Variants in ZNF570 observed in about 807,000 individuals in gnomAD.
The protein encoded by ZNF570 is zinc finger protein 570.
ZNF570 carries 8 observed loss-of-function variants against 14.2 expected under a neutral mutation model. The ratio of observed to expected loss-of-function variants is 0.56; its 90% CI spans 0.33 to 1.02. The LOEUF (loss-of-function observed/expected upper bound fraction) is 1.02. Ranked by LOEUF, ZNF570 falls within the 50% of genes least tolerant of loss-of-function variation. The pLI is 0.03. For missense variants in ZNF570, 559 were observed against 624.9 expected, an observed-to-expected ratio of 0.89 and a Z score of 1.12; for synonymous variants, 202 against 207.6, an observed-to-expected ratio of 0.97 and a Z score of 0.23.
chr19:37,479,217 G>A (rs917951860), intron 4 of ZNF570, among the ~76,000 whole-genome samples: 1 of 151,928 alleles, frequency 6.6e-6, no homozygotes, highest in African/African-American at 2.4e-5. Flanking sequence ...TAGTTTTGAT[G>A]TAAGTTTTCA....
At chr19:37,473,419 G>A (rs1326383731) in intron 2 of ZNF570, among the ~76,000 whole-genome samples, 7 of 152,124 alleles carry the variant, frequency 4.6e-5, no homozygotes, top group Non-Finnish European at 7.4e-5. Context: ...ATAACAGGTG[G>A]TTGTGCTGGG....
In ZNF570 at chr19:37,487,743, C is replaced by T. The variant is rs965054496; in HGVS notation, c.*2510C>T. On this transcript the variant is annotated 3_prime_UTR_variant, in exon 5 of 5. Coordinates refer to ENST00000330173, the MANE Select transcript of ZNF570 (RefSeq NM_144694.5). ...TTGTTTTTGTTTTGCCCTTTAGCTT[C>T]ACAGGTTTGTTCTGAAATTTATGAG... The T allele has an allele frequency of 6.6e-6, 1 of 152,002 alleles. No homozygotes were observed. The highest frequency in any genetic ancestry group is 1.9e-4 in the East Asian group (1 of 5,192). The allele number at this position is 152,002 out of a possible 1,614,324, so 9.4% of individuals were successfully genotyped here. A position where few individuals can be genotyped will look rare whatever the true frequency, so the allele number is the denominator to read the frequency against.
upstream of ZNF570, chr19:37,469,197 G>A (rs1185159340): frequency 1.8e-5 from 23 of 1,269,878 alleles, no homozygotes; most frequent in Non-Finnish European, 2.3e-5. Context: ...ACCTGGTGGG[G>A]AGGAGGCCGT....
At chr19:37,479,306 A>G (rs1434055326) in intron 4 of ZNF570, among the ~76,000 whole-genome samples, 1 of 152,086 alleles carries the variant, frequency 6.6e-6, no homozygotes. Flanking sequence ...GAAGTTTGAA[A>G]TTGAAGGCTT....
At chr19:37,468,604 C>T (rs904694517), upstream of ZNF570, among the ~76,000 whole-genome samples, 4 of 152,190 alleles carry the variant, frequency 2.6e-5, no homozygotes, top group Non-Finnish European at 5.9e-5. Flanking sequence ...CTCCCAGGTT[C>T]AGGCAATTTT....
intron 2 of ZNF570, 123 bp from the exon 3 acceptor site, chr19:37,475,758 C>T (rs969010708): frequency 7.3e-5 from 71 of 967,382 alleles, no homozygotes; most frequent in Non-Finnish European, 1.0e-4. Flanking sequence ...GCCCTGAGTA[C>T]AAATATGATA....
At chr19:37,470,529 A>G in intron 2 of ZNF570, 142 bp downstream of exon 2, 1 of 738,512 alleles carries the variant, frequency 1.4e-6, no homozygotes, top group Non-Finnish European at 2.3e-6. Context: ...CATCTTATTC[A>G]AGATAAACGC....
At position 37,484,015 on chromosome 19, in the gene ZNF570, T is replaced by C; in HGVS notation, c.393T>C (p.Cys131=). The change falls in exon 5 of 5, where the codon TGT becomes TGC. Residue 131 remains cysteine, a synonymous_variant. Coordinates refer to ENST00000330173, the MANE Select transcript of ZNF570 (RefSeq NM_144694.5). ...EYSSLREEWK[C]EGYFERQPGN... is the part of the protein sequence containing the mutation. ...CCAGTTTGAGAGAAGAGTGGAAATGTGAGGGCTATTTTGAAAGGCAACCAG... is the reference window on the plus strand; with the variant it reads ...CCAGTTTGAGAGAAGAGTGGAAATGCGAGGGCTATTTTGAAAGGCAACCAG... The C allele has an allele frequency of 6.2e-7, 1 of 1,614,026 alleles. No homozygotes were observed. The highest frequency in any genetic ancestry group is 1.3e-5 in the African/African-American group (1 of 75,026).
chr19:37,484,942 A>C lies in ZNF570; in HGVS notation c.1320A>C (p.Lys440Asn). The change falls in exon 5 of 5, where the codon AAA becomes AAC. Residue 440 changes from lysine to asparagine, a missense_variant. By Grantham distance (94) the Lys-to-Asn change is moderately conservative. Transcript: ENST00000330173. ...ATCAAAGAGTTCATACTGGAGAGAA[A>C]CCCTATGAATGTATTGAATGTGGGA... is the stretch of plus-strand genomic sequence containing the variant. ...AQHQRVHTGE[K>N]PYECIECGKA... The C allele has an allele frequency of 6.2e-7, 1 of 1,614,100 alleles. No individual in the cohort carries two copies. Among genetic ancestry groups the C allele is most frequent in the Non-Finnish European group, 8.5e-7 (1 of 1,180,000 alleles).
Position 37,484,387 on chromosome 19 carries a change from C to A in ZNF570, c.765C>A (p.Phe255Leu), listed in dbSNP as rs2147024867. Residue 255 changes from phenylalanine to leucine, a missense_variant, in exon 5 of 5, where the codon TTC becomes TTA. By Grantham distance (22) the Phe-to-Leu change is conservative. Transcript: ENST00000330173. ...AATGTATAGAGTGTGGAAAAGCCTT[C>A]AGCCAGAGATCAAATCTTGTTCAAC... ...PYKCIECGKA[F>L]SQRSNLVQHQ... is the part of the protein sequence containing the mutation. The A allele has an allele frequency of 6.2e-7, 1 of 1,613,926 alleles. No homozygotes were observed. Among genetic ancestry groups the A allele is most frequent in the Middle Eastern group, 1.6e-4 (1 of 6,062 alleles).
In ZNF570 at chr19:37,476,044, A is replaced by C. The variant is rs748780112; in HGVS notation, c.160+37A>C. 6 of 1,571,116 alleles carry C rather than the reference A, an allele frequency of 3.8e-6. No homozygotes were observed. In the East Asian group the frequency reaches 1.4e-4, roughly 35 times the overall value. On this transcript the variant is annotated intron_variant, in intron 3 of 4. Transcript: ENST00000330173. ...TTCTTGCAAAACTGAGCTTCTGCTCAAAAGGGGCTCTTTGCTACCACTATT... is the reference window on the plus strand; with the variant it reads ...TTCTTGCAAAACTGAGCTTCTGCTCCAAAGGGGCTCTTTGCTACCACTATT...
Position 37,488,312 on chromosome 19 carries a change from A to G in ZNF570, c.*3079A>G, listed in dbSNP as rs2042177443. On this transcript the variant is annotated 3_prime_UTR_variant, in exon 5 of 5. Transcript: ENST00000330173. ...ATGAAATTGAACTACAGACTATTTT[A>G]TATAATACAGTATAACGTACAATTT... is the stretch of plus-strand genomic sequence containing the variant. 6.6e-6 allele frequency: 1 copy of G among 152,246 alleles called. No individual in the cohort carries two copies. Among genetic ancestry groups the G allele is most frequent in the Admixed American group, 6.5e-5 (1 of 15,284 alleles). The allele number at this position is 152,246 out of a possible 1,614,324, so 9.4% of individuals were successfully genotyped here.
intron 1 of ZNF570, 123 bp downstream of exon 1, chr19:37,469,680 C>G: frequency 9.7e-7 from 1 of 1,030,304 alleles, no homozygotes; most frequent in Middle Eastern, 3.1e-4. Context: ...GAGCGGGCGA[C>G]TGTTCGCTGC....
At chr19:37,470,645 T>G (rs2041942632) in intron 2 of ZNF570, among the ~76,000 whole-genome samples, 1 of 151,786 alleles carries the variant, frequency 6.6e-6, no homozygotes, top group Non-Finnish European at 1.5e-5. Context: ...GTCACTCAGT[T>G]CCAGCAACAC....
chr19:37,469,729 G>A (rs2041922831), intron 1 of ZNF570, 172 bp downstream of exon 1: 2 of 694,432 alleles, frequency 2.9e-6, no homozygotes, highest in Admixed American at 5.3e-5. Context: ...TTTGTGACTG[G>A]GTTGTGAGAT....
chr19:37,484,984 C>T lies in ZNF570; in HGVS notation c.1362C>T (p.Asp454=), dbSNP rs769978612. Residue 454 remains aspartate (D), a synonymous_variant, in exon 5 of 5, where the codon GAC becomes GAT. Coordinates refer to ENST00000330173, the MANE Select transcript of ZNF570 (RefSeq NM_144694.5). ...CIECGKAFSN[D]SSLTQHQRVH... ...AATGTGGGAAGGCTTTTAGCAATGACTCGTCCCTTACTCAACATCAGCGAG... is the reference window on the plus strand; with the variant it reads ...AATGTGGGAAGGCTTTTAGCAATGATTCGTCCCTTACTCAACATCAGCGAG... 2 of 1,613,798 alleles carry T rather than the reference C, an allele frequency of 1.2e-6. No individual in the cohort carries two copies. Among genetic ancestry groups the T allele is most frequent in the South Asian group, 1.1e-5 (1 of 91,080 alleles).
At chr19:37,469,247 C>T (rs1472243749), upstream of ZNF570, 2 of 1,382,238 alleles carry the variant, frequency 1.4e-6, no homozygotes, top group Non-Finnish European at 1.9e-6. Context: ...TGCTGCCAGA[C>T]ACTGCGACGC....
Position 37,485,547 on chromosome 19 carries a change from G to A in ZNF570, c.*314G>A, listed in dbSNP as rs1320089623. The A allele has an allele frequency of 8.5e-6, 2 of 234,976 alleles. No homozygotes were observed. Among genetic ancestry groups the A allele is most frequent in the African/African-American group, 2.3e-5 (1 of 43,864 alleles). The allele number at this position is 234,976 out of a possible 1,614,324, so 14.6% of individuals were successfully genotyped here. ...AGCAATTCTCATGCATCAGCCTCCC[G>A]AGTAGCTGGGACTATAGACATGCAC... On this transcript the variant is annotated 3_prime_UTR_variant, in exon 5 of 5. Coordinates refer to ENST00000330173, the MANE Select transcript of ZNF570 (RefSeq NM_144694.5).
At chr19:37,471,806 G>T (rs1305403724) in intron 2 of ZNF570, among the ~76,000 whole-genome samples, 1 of 152,138 alleles carries the variant, frequency 6.6e-6, no homozygotes, top group Non-Finnish European at 1.5e-5. Context: ...ATAGAATTAG[G>T]GAACTCAACT....
Sources: allele counts gnomAD v4.1 joint callset (sites outside exome capture counted in the v4.1 genomes callset), GRCh38; gene constraint gnomAD v4.1.1; transcripts MANE v1.5; gene names NCBI Gene and HGNC (gene_info 2026-07-23, HGNC 2026-07-21).